The following CHM variants were observed in gnomAD, a reference collection of about 807,000 sequenced individuals.
CHM encodes the protein rab proteins geranylgeranyltransferase component A 1.
In CHM, 10 loss-of-function variants were observed where a neutral mutation model predicts 49.0. The observed-to-expected ratio is 0.20, with a 90% CI of 0.13 to 0.35. The LOEUF is 0.35. Ranked by LOEUF, CHM falls within the 10% of genes least tolerant of loss-of-function variation. The pLI, the probability that CHM is intolerant of heterozygous loss-of-function variation, is 1.00. For synonymous variants in CHM, 184 were observed against 167.5 expected (o/e 1.10, Z -0.76); for missense variants, 455 against 478.4 (o/e 0.95, Z 0.46).
At chrX:86,037,588 C>A (rs1280535334) in intron 1 of CHM, among the ~76,000 whole-genome samples, 2 of 110,198 alleles carry the variant, frequency 1.8e-5, no homozygotes, top group Admixed American at 1.9e-4. Context: ...TACTAATGTG[C>A]CACATGACCT....
chrX:86,000,513 CAAAAAAAAAA>C (rs754600557), intron 2 of CHM, among the ~76,000 whole-genome samples: 2 of 58,891 alleles, frequency 3.4e-5, no homozygotes, highest in African/African-American at 1.3e-4. Context: ...GGAATATATT[CAAAAAAAAAA>C]AAAAAAAAAA....
Position 85,977,443 on chromosome X carries a change from A to C in CHM, c.314+1324T>G, listed in dbSNP as rs777978732. Among the ~76,000 whole-genome samples, 20 of 112,301 alleles carry C rather than the reference A, an allele frequency of 1.8e-4. 1 individual carries two copies. The highest frequency in any genetic ancestry group is 6.5e-4 in the African/African-American group (20 of 30,953). On this transcript the variant is annotated intron_variant, in intron 4 of 14. Coordinates refer to ENST00000357749, the MANE Select transcript of CHM (RefSeq NM_000390.4). ...AGAGATCAGGAACTGAAAATGAGAT[A>C]ATTTTCTTTGCACTCAAAATGTATC...
At chrX:85,977,214 C>T (rs1255647417) in intron 4 of CHM, among the ~76,000 whole-genome samples, 4 of 112,034 alleles carry the variant, frequency 3.6e-5, no homozygotes, top group Admixed American at 1.9e-4. Flanking sequence ...AAGGCTTTTC[C>T]TGCTTACTAC....
In CHM at chrX:85,873,202, T is replaced by C. The variant is rs140479582; in HGVS notation, c.1620A>G (p.Gln540=). 130 of 1,164,172 alleles carry C rather than the reference T, an allele frequency of 1.1e-4. No individual in the cohort carries two copies. In the African/African-American group the frequency reaches 1.6e-3, roughly 15 times the overall value. ...PYTEMEIENE[Q]VEKPRILWAL... The stretch of plus-strand genomic sequence containing the variant: ...CCCACAGAATTCTTGGCTTTTCTAC[T>C]TGTTCATTTTCTAAATATAGAAATA... The change falls in exon 14 of 15, where the codon CAA becomes CAG. Residue 540 remains glutamine (Q), a synonymous_variant. Transcript: ENST00000357749.
intron 14 of CHM, among the ~76,000 whole-genome samples, chrX:85,870,249 C>A (rs1301082810): frequency 8.9e-6 from 1 of 112,108 alleles, no homozygotes; most frequent in Non-Finnish European, 1.9e-5. Context: ...AGGATAGAAT[C>A]TGACACACAG....
intron 8 of CHM, among the ~76,000 whole-genome samples, chrX:85,928,805 T>C (rs1439797736): frequency 9.0e-6 from 1 of 111,526 alleles, no homozygotes; most frequent in African/African-American, 3.3e-5. Flanking sequence ...CACAAGGCCA[T>C]GACAGGCTGG....
chrX:85,922,679 T>C (rs769193498), intron 8 of CHM, among the ~76,000 whole-genome samples: 259 of 112,400 alleles, frequency 2.3e-3, no homozygotes, highest in African/African-American at 8.1e-3. Context: ...ATCACTTTCA[T>C]ACCATTTTAA....
intron 13 of CHM, among the ~76,000 whole-genome samples, chrX:85,878,704 A>G (rs1052504047): frequency 9.0e-5 from 10 of 111,520 alleles, no homozygotes; most frequent in African/African-American, 2.9e-4. Context: ...CTGTGTAACT[A>G]TACATATAAA....
chrX:85,911,164 T>TATATATATATGAATATATATATGA (rs1926952142), intron 9 of CHM, 97 bp downstream of exon 9: 1 of 3,707 alleles, frequency 2.7e-4, no homozygotes, highest in South Asian at 0.04. Context: ...TATATATATG[T>TATATATATATGAATATATATATGA]ATATATATAT....
At chrX:86,023,735 C>A (rs1179079462) in intron 2 of CHM, among the ~76,000 whole-genome samples, 1 of 111,213 alleles carries the variant, frequency 9.0e-6, no homozygotes, top group African/African-American at 3.3e-5. Flanking sequence ...TTTTTAGCCA[C>A]AGATTACATC....
rs897855683 is a variant in CHM, at chrX:85,978,772, A to G, written c.309T>C (p.Tyr103=). Residue 103 remains tyrosine, a synonymous_variant, in exon 4 of 15, where the codon TAT becomes TAC. Coordinates refer to ENST00000357749, the MANE Select transcript of CHM (RefSeq NM_000390.4). The part of the protein sequence containing the change: ...KTIQHVEVFC[Y]ASQDLHEDVE... ...GCAGTAAATACTTTTCATACCTGGC[A>G]TAACAAAATACTTCCACATGTTGAA... 9 of 1,203,757 alleles carry G rather than the reference A, an allele frequency of 7.5e-6. No individual in the cohort carries two copies. The highest frequency in any genetic ancestry group is 9.0e-6 in the Non-Finnish European group (8 of 889,887).
intron 5 of CHM, among the ~76,000 whole-genome samples, chrX:85,961,315 G>C (rs748960467): frequency 6.5e-5 from 7 of 107,384 alleles, no homozygotes; most frequent in African/African-American, 2.4e-4. Flanking sequence ...AGCTACTCAG[G>C]GGGCTGAGGC....
intron 8 of CHM, among the ~76,000 whole-genome samples, chrX:85,932,275 A>C (rs990063961): frequency 4.5e-5 from 5 of 112,003 alleles, no homozygotes; most frequent in African/African-American, 9.7e-5. Flanking sequence ...TATTAAGACT[A>C]TCTCTCTAAA....
Position 85,991,798 on chromosome X carries a change from G to A in CHM, c.117-9989C>T, listed in dbSNP as rs137930675. ...TATTAAAGGATTAGGGCTTAATAGA[G>A]CATCTGTTGAGAAACGCTGGCTTAA... On this transcript the variant is annotated intron_variant, in intron 2 of 14. Transcript: ENST00000357749. Among the ~76,000 whole-genome samples, 477 of 110,753 alleles carry A rather than the reference G, an allele frequency of 4.3e-3. 4 individuals carry two copies. The highest frequency in any genetic ancestry group is 0.015 in the African/African-American group (461 of 30,587).
intron 7 of CHM, among the ~76,000 whole-genome samples, chrX:85,957,603 G>A (rs1483992383): frequency 9.9e-6 from 1 of 101,009 alleles, no homozygotes; most frequent in Non-Finnish European, 2.1e-5. Context: ...TATCTGCACT[G>A]TAGCCACATG....
chrX:86,022,000 T>C (rs1228122710), intron 2 of CHM, among the ~76,000 whole-genome samples: 1 of 110,955 alleles, frequency 9.0e-6, no homozygotes, highest in East Asian at 2.8e-4. Context: ...AGACAGAAAG[T>C]GGAGTAGTGG....
intron 2 of CHM, among the ~76,000 whole-genome samples, chrX:86,000,513 C>CA (rs754600557): frequency 0.43 from 25,134 of 58,693 alleles, 5,550 homozygotes; most frequent in African/African-American, 0.65. Context: ...GGAATATATT[C>CA]AAAAAAAAAA....
At chrX:86,037,614 TA>T (rs201495340) in intron 1 of CHM, among the ~76,000 whole-genome samples, 4,561 of 111,243 alleles carry the variant, frequency 0.041, 98 homozygotes, top group Non-Finnish European at 0.063. Flanking sequence ...GCATTACTCA[TA>T]AAACTGTGAG....
chrX:85,944,285 T>C, intron 8 of CHM, among the ~76,000 whole-genome samples: 1 of 112,260 alleles, frequency 8.9e-6, no homozygotes, highest in Admixed American at 9.4e-5. Flanking sequence ...CTTTATCTTA[T>C]GATTTATCCA....
Sources: allele counts gnomAD v4.1 joint callset (sites outside exome capture counted in the v4.1 genomes callset), GRCh38; gene constraint gnomAD v4.1.1; transcripts MANE v1.5; gene names NCBI Gene and HGNC (gene_info 2026-07-23, HGNC 2026-07-21).